Variants in SLC39A12 observed in about 807,000 individuals in gnomAD.
The protein encoded by SLC39A12 is solute carrier family 39 member 12, also known as zinc transporter ZIP12.
In SLC39A12, 63 loss-of-function variants were observed where a neutral mutation model predicts 71.1. The observed-to-expected ratio is 0.89, with a 90% CI of 0.72 to 1.09. SLC39A12 has a LOEUF of 1.09. SLC39A12 is among the 50% of genes least tolerant of loss of function. The pLI, the probability that SLC39A12 is intolerant of heterozygous loss-of-function variation, is 0.00. For synonymous variants in SLC39A12, 351 were observed against 301.3 expected, an observed-to-expected ratio of 1.16 and a Z score of -1.71; for missense variants, 892 against 812.6, an observed-to-expected ratio of 1.10 and a Z score of -1.19.
At chr10:17,994,623 A>G (rs1304875592) in intron 9 of SLC39A12, among the ~76,000 whole-genome samples, 1 of 152,202 alleles carries the variant, frequency 6.6e-6, no homozygotes, top group Non-Finnish European at 1.5e-5. Flanking sequence ...AGGGATCACA[A>G]TGTTTTTTGT....
chr10:17,980,426 A>G (rs1408509220), intron 5 of SLC39A12, among the ~76,000 whole-genome samples: 4 of 152,204 alleles, frequency 2.6e-5, no homozygotes, highest in South Asian at 4.1e-4. Flanking sequence ...GCAACTAAAG[A>G]TCACAAAGAC....
intron 12 of SLC39A12, among the ~76,000 whole-genome samples, chr10:18,036,806 A>G (rs1358493006): frequency 1.9e-5 from 1 of 51,626 alleles, no homozygotes; most frequent in African/African-American, 8.9e-5. Flanking sequence ...TTTTTTTTTT[A>G]ATGGAATCTC....
intron 8 of SLC39A12, 42 bp downstream of exon 8, chr10:17,991,345 A>G (rs766317505): frequency 6.8e-7 from 1 of 1,474,790 alleles, no homozygotes; most frequent in African/African-American, 1.4e-5. Flanking sequence ...TTAAAGTCTT[A>G]TAATACATTC....
chr10:18,013,853 T>G (rs1039326997), intron 12 of SLC39A12, among the ~76,000 whole-genome samples: 1 of 152,218 alleles, frequency 6.6e-6, no homozygotes, highest in Non-Finnish European at 1.5e-5. Flanking sequence ...AGTACCACAC[T>G]CATCTGATTA....
In SLC39A12 at chr10:17,970,162, C is replaced by G. The variant is rs554897916; in HGVS notation, c.751+4472C>G. ...ATTGGTCTCTGTGTCTGTTTTTATGCCAGTACTTCCTGTTTTGGTGACTGT... is the reference window on the plus strand; with the variant it reads ...ATTGGTCTCTGTGTCTGTTTTTATGGCAGTACTTCCTGTTTTGGTGACTGT... On this transcript the variant is annotated intron_variant, in intron 4 of 12. Transcript: ENST00000377369. Among the ~76,000 whole-genome samples, 4 of 152,108 alleles carry G rather than the reference C, an allele frequency of 2.6e-5. No individual in the cohort carries two copies. In the South Asian group the frequency reaches 8.3e-4, roughly 32 times the overall value.
chr10:17,955,415 G>C (rs1268720045), intron 2 of SLC39A12, among the ~76,000 whole-genome samples: 1 of 152,138 alleles, frequency 6.6e-6, no homozygotes, highest in Non-Finnish European at 1.5e-5. Context: ...CACCCATCAG[G>C]AAGGAGCTTA....
chr10:17,963,890 C>G (rs532061371), intron 3 of SLC39A12, among the ~76,000 whole-genome samples: 1 of 152,290 alleles, frequency 6.6e-6, no homozygotes, highest in Admixed American at 6.5e-5. Context: ...CAGGCAAGCT[C>G]CCTAATGGCT....
chr10:18,041,881 A>G lies in SLC39A12; in HGVS notation c.1948-824A>G, dbSNP rs183543114. 1.1e-3 allele frequency among the ~76,000 whole-genome samples: 170 copies of G among 148,488 alleles called. 1 individual carries two copies. Among genetic ancestry groups the G allele is most frequent in the African/African-American group, 4.0e-3 (161 of 40,586 alleles). On this transcript the variant is annotated intron_variant, in intron 12 of 12. Coordinates refer to ENST00000377369, the MANE Select transcript of SLC39A12 (RefSeq NM_001145195.2). Reference sequence around the variant, plus strand: ...TACATACATATGTATATGTATATATATACACACATATATGTATATGTATAT... The same window carrying G: ...TACATACATATGTATATGTATATATGTACACACATATATGTATATGTATAT...
intron 2 of SLC39A12, 108 bp from the exon 3 acceptor site, chr10:17,961,473 T>G (rs2130778887): frequency 9.0e-7 from 1 of 1,110,608 alleles, no homozygotes; most frequent in Non-Finnish European, 1.3e-6. Context: ...TGCTTTTCCT[T>G]TCTGTTTATA....
chr10:18,010,719 A>G (rs1162884850), intron 12 of SLC39A12, among the ~76,000 whole-genome samples: 1 of 152,152 alleles, frequency 6.6e-6, no homozygotes, highest in African/African-American at 2.4e-5. Flanking sequence ...TCTTCTAACT[A>G]ATTTCTCAGA....
rs1554848376 is a variant in SLC39A12 at position 17,961,587 on chromosome 10, G to A, written c.268G>A (p.Glu90Lys). 6.2e-7 allele frequency: 1 copy of A among 1,610,002 alleles called. No individual in the cohort carries two copies. The highest frequency in any genetic ancestry group is 1.7e-5 in the Admixed American group (1 of 59,358). ...TTATTGTTTTCTTCCACAGTGCTTT[G>A]AACCAGATGCACTATTACTAATAGC... ...GMQGDCNLCF[E>K]PDALLLIAGG... Residue 90 changes from glutamate (E) to lysine (K), a missense_variant, in exon 3 of 13, where the codon GAA (glutamate) becomes AAA (lysine). Glu to Lys is a moderately conservative substitution (Grantham distance 56). Coordinates refer to ENST00000377369, the MANE Select transcript of SLC39A12 (RefSeq NM_001145195.2).
At chr10:17,974,170 A>G (rs1169352528) in intron 4 of SLC39A12, among the ~76,000 whole-genome samples, 1 of 151,952 alleles carries the variant, frequency 6.6e-6, no homozygotes, top group Admixed American at 6.6e-5. Context: ...TCTCTGTGTT[A>G]TCTTAAATTT....
At chr10:18,036,788 A>ATTTTTTTTTTTTTTTTTTT (rs1319675306) in intron 12 of SLC39A12, among the ~76,000 whole-genome samples, 1 of 17,012 alleles carries the variant, frequency 5.9e-5, no homozygotes, top group Non-Finnish European at 1.4e-4. Flanking sequence ...ATATATATAT[A>ATTTTTTTTTTTTTTTTTTT]TATATATTTT....
At chr10:18,015,296 T>C (rs764389960) in intron 12 of SLC39A12, among the ~76,000 whole-genome samples, 1 of 152,180 alleles carries the variant, frequency 6.6e-6, no homozygotes, top group Non-Finnish European at 1.5e-5. Context: ...AGTTGACATG[T>C]TAACAATAAT....
intron 12 of SLC39A12, among the ~76,000 whole-genome samples, chr10:18,020,650 A>G (rs996546497): frequency 6.6e-6 from 1 of 152,058 alleles, no homozygotes; most frequent in African/African-American, 2.4e-5. Context: ...TAACTTTTTA[A>G]TAATTGCCAT....
At chr10:17,983,089 A>G (rs1352469945) in intron 6 of SLC39A12, among the ~76,000 whole-genome samples, 1 of 138,486 alleles carries the variant, frequency 7.2e-6, no homozygotes, top group African/African-American at 2.7e-5. Flanking sequence ...AGTCCCAGCT[A>G]CTTGGGAGAC....
chr10:17,982,174 C>T (rs1012545439), intron 6 of SLC39A12, among the ~76,000 whole-genome samples: 10 of 152,132 alleles, frequency 6.6e-5, no homozygotes, highest in Admixed American at 3.9e-4. Context: ...CTGTCAGCCC[C>T]AGGAAGGGAA....
rs747006185 is a variant in SLC39A12, at chr10:17,993,296, G to A, written c.1533+5G>A. 1.3e-6 allele frequency: 2 copies of A among 1,534,184 alleles called. No individual in the cohort carries two copies. Among genetic ancestry groups the A allele is most frequent in the Admixed American group, 2.0e-5 (1 of 50,810 alleles). ...TCTGCTTCAACTATCCAGTTGGTAG[G>A]TTCCTGATCTGAAGCATTCTACTGA... On this transcript the variant is annotated splice_donor_5th_base_variant and intron_variant, in intron 9 of 12. Transcript: ENST00000377369.
intron 12 of SLC39A12, 76 bp from the exon 13 acceptor site, chr10:18,042,629 T>C: frequency 6.9e-7 from 1 of 1,452,070 alleles, no homozygotes; most frequent in South Asian, 1.4e-5. Context: ...TAACAGTCGC[T>C]CATGTTTTCC....
Sources: allele counts gnomAD v4.1 joint callset (sites outside exome capture counted in the v4.1 genomes callset), GRCh38; gene constraint gnomAD v4.1.1; transcripts MANE v1.5; gene names NCBI Gene and HGNC (gene_info 2026-07-23, HGNC 2026-07-21).